The following CPED1 variants were observed in gnomAD, a reference collection of about 807,000 sequenced individuals.
CPED1 encodes the protein cadherin like and PC-esterase domain containing 1, also known as cadherin-like and PC-esterase domain-containing protein 1.
In CPED1, 114 loss-of-function variants were observed where a neutral mutation model predicts 128.2. The ratio of observed to expected loss-of-function variants is 0.89; its 90% confidence interval spans 0.76 to 1.04. CPED1 has a LOEUF of 1.04. Ranked by LOEUF, CPED1 falls within the 50% of genes least tolerant of loss-of-function variation. The probability of loss-of-function intolerance (pLI) is 0.00; values close to 1 mark genes in which losing one functional copy is unlikely to be tolerated. For missense variants in CPED1, 1,211 were observed against 1,207.1 expected (o/e 1.00, Z -0.05); for synonymous variants, 462 against 426.7 (o/e 1.08, Z -1.02).
intron 18 of CPED1, among the ~76,000 whole-genome samples, chr7:121,246,888 G>A (rs1283409472): frequency 6.6e-6 from 1 of 152,224 alleles, no homozygotes; most frequent in Non-Finnish European, 1.5e-5. Flanking sequence ...GCTTATCTTT[G>A]TGACTCTCCT....
At chr7:121,043,348 A>T (rs763218871) in intron 3 of CPED1, among the ~76,000 whole-genome samples, 1 of 152,170 alleles carries the variant, frequency 6.6e-6, no homozygotes, top group Non-Finnish European at 1.5e-5. Flanking sequence ...GCCACCTTTA[A>T]TGTAACCAAC....
chr7:121,108,291 C>A (rs143108052), intron 7 of CPED1, among the ~76,000 whole-genome samples: 9 of 151,962 alleles, frequency 5.9e-5, no homozygotes, highest in Non-Finnish European at 1.2e-4. Context: ...AAGTAGATTG[C>A]GAATGATGAT....
chr7:121,168,345 G>A (rs1488125134), intron 16 of CPED1, among the ~76,000 whole-genome samples: 2 of 152,132 alleles, frequency 1.3e-5, no homozygotes, highest in Non-Finnish European at 2.9e-5. Context: ...TTTAAAAGTA[G>A]TCTTCTCTAT....
At chr7:121,241,062 G>GAATTGGAT (rs1390295043) in intron 17 of CPED1, among the ~76,000 whole-genome samples, 1 of 127,070 alleles carries the variant, frequency 7.9e-6, no homozygotes. Flanking sequence ...TTATAAAACA[G>GAATTGGAT]GCCGGGCGCG....
chr7:121,145,611 TCAA>T (rs1301124348), intron 16 of CPED1, among the ~76,000 whole-genome samples: 2 of 152,088 alleles, frequency 1.3e-5, no homozygotes, highest in African/African-American at 4.8e-5. Context: ...CTGGGGGAAG[TCAA>T]CAGCAGGGGT....
intron 2 of CPED1, among the ~76,000 whole-genome samples, chr7:120,996,706 C>T (rs944272263): frequency 2.0e-5 from 3 of 152,128 alleles, no homozygotes; most frequent in Non-Finnish European, 2.9e-5. Flanking sequence ...TTCTCTAGTC[C>T]TCCAAATTAA....
At chr7:121,013,085 T>C (rs937973699) in intron 2 of CPED1, among the ~76,000 whole-genome samples, 8 of 152,236 alleles carry the variant, frequency 5.3e-5, no homozygotes, top group African/African-American at 1.7e-4. Context: ...GTGGGTTTGC[T>C]TGAGTGACAC....
chr7:121,130,699 G>A (rs995490831), intron 12 of CPED1, among the ~76,000 whole-genome samples: 3 of 151,388 alleles, frequency 2.0e-5, no homozygotes, highest in African/African-American at 7.3e-5. Flanking sequence ...TTTTTGAGGT[G>A]TGACTTTTTT....
chr7:121,268,391 A>G (rs1161859792), intron 21 of CPED1, among the ~76,000 whole-genome samples: 1 of 152,088 alleles, frequency 6.6e-6, no homozygotes, highest in Admixed American at 6.6e-5. Flanking sequence ...TATGTGCCAG[A>G]TATTGTGTTA....
At chr7:121,030,955 T>A (rs1792712954) in intron 3 of CPED1, among the ~76,000 whole-genome samples, 1 of 152,192 alleles carries the variant, frequency 6.6e-6, no homozygotes, top group Admixed American at 6.5e-5. Context: ...CAAAGATGAA[T>A]TGAGGTTTAG....
At chr7:121,285,545 A>G (rs1792549104) in intron 22 of CPED1, among the ~76,000 whole-genome samples, 1 of 152,160 alleles carries the variant, frequency 6.6e-6, no homozygotes, top group Non-Finnish European at 1.5e-5. Flanking sequence ...TCTGCCAGAT[A>G]CCCTAAATCA....
At chr7:121,256,141 A>AAAAAAAAAAAAAAAAC (rs1791866950) in intron 18 of CPED1, among the ~76,000 whole-genome samples, 2 of 143,494 alleles carry the variant, frequency 1.4e-5, no homozygotes, top group African/African-American at 5.3e-5. Flanking sequence ...AAAAAAAAAA[A>AAAAAAAAAAAAAAAAC]CAAAGCTTAT....
chr7:121,224,521 C>A (rs1413864118), intron 16 of CPED1, among the ~76,000 whole-genome samples: 1 of 151,816 alleles, frequency 6.6e-6, no homozygotes, highest in Non-Finnish European at 1.5e-5. Flanking sequence ...CCTTGTTAAC[C>A]TTCTGTTTCA....
chr7:121,068,730 A>G (rs2116075837), intron 5 of CPED1, among the ~76,000 whole-genome samples: 1 of 151,234 alleles, frequency 6.6e-6, no homozygotes, highest in African/African-American at 2.4e-5. Flanking sequence ...CACAATATTG[A>G]TTCTTCCTAC....
Position 121,296,869 on chromosome 7 carries a change from G to T in CPED1, c.*1217G>T, listed in dbSNP as rs1051423228. 4 of 151,896 alleles carry T rather than the reference G, an allele frequency of 2.6e-5. No individual in the cohort carries two copies. Among genetic ancestry groups the T allele is most frequent in the Non-Finnish European group, 5.9e-5 (4 of 67,804 alleles). 9.4% of individuals were successfully genotyped at this position (151,896 alleles called of 1,614,324 possible). On this transcript the variant is annotated 3_prime_UTR_variant, in exon 23 of 23. Coordinates refer to ENST00000310396, the MANE Select transcript of CPED1 (RefSeq NM_024913.5). ...TTTGGGTGGGGTGGGAAGCTGAGAG[G>T]GTTAATTCAATACATGGCTGAAATT...
chr7:121,153,174 T>G lies in CPED1; in HGVS notation c.2055+11033T>G, dbSNP rs538853327. 1.5e-4 allele frequency among the ~76,000 whole-genome samples: 23 copies of G among 152,348 alleles called. 1 individual carries two copies. The South Asian group carries it at 3.7e-3, about 25-fold the overall frequency. On this transcript the variant is annotated intron_variant, in intron 16 of 22. Transcript: ENST00000310396. ...GGATAAAGATATTACCTATGTTTTATCAGGAATGAGGCATAATCATAATGT... is the reference window on the plus strand; with the variant it reads ...GGATAAAGATATTACCTATGTTTTAGCAGGAATGAGGCATAATCATAATGT...
chr7:121,205,093 A>G (rs1412067048), intron 16 of CPED1, among the ~76,000 whole-genome samples: 1 of 152,142 alleles, frequency 6.6e-6, no homozygotes, highest in Non-Finnish European at 1.5e-5. Flanking sequence ...TTAAATACTA[A>G]GAAAACTAAA....
intron 18 of CPED1, among the ~76,000 whole-genome samples, chr7:121,258,895 G>A (rs1347519866): frequency 6.6e-6 from 1 of 151,990 alleles, no homozygotes; most frequent in Non-Finnish European, 1.5e-5. Context: ...TATTTTCAAT[G>A]CTAATCACAT....
chr7:121,126,385 T>G (rs773075049), intron 9 of CPED1, among the ~76,000 whole-genome samples: 10 of 152,110 alleles, frequency 6.6e-5, no homozygotes, highest in Non-Finnish European at 1.0e-4. Context: ...TTGATTCTTT[T>G]CCTTCCTCTC....
Sources: gnomAD v4.1 joint callset for allele counts (sites outside exome capture counted in the v4.1 genomes callset) on GRCh38, gnomAD v4.1.1 for gene constraint, MANE v1.5 for transcripts, NCBI Gene and HGNC (gene_info 2026-07-23, HGNC 2026-07-21) for gene names.